TRAK1: variants seen among roughly 807,000 people sequenced by gnomAD.
TRAK1 encodes trafficking kinesin-binding protein 1.
Under a neutral mutation model 92.1 loss-of-function variants are expected in TRAK1, and 33 were observed. The ratio of observed to expected loss-of-function variants is 0.36; its 90% confidence interval spans 0.27 to 0.48. The LOEUF (loss-of-function observed/expected upper bound fraction) is 0.48, where lower values mean the gene tolerates loss of function less well. TRAK1 is among the 20% of genes least tolerant of loss of function. The pLI, the probability that TRAK1 is intolerant of heterozygous loss-of-function variation, is 0.99. For missense variants in TRAK1, 1,123 were observed against 1,257.9 expected (o/e 0.89, Z 1.62); for synonymous variants, 521 against 517.3 (o/e 1.01, Z -0.10).
chr3:42,083,516 GT>G (rs1704530251), upstream of TRAK1, among the ~76,000 whole-genome samples: 1 of 152,130 alleles, frequency 6.6e-6, no homozygotes, highest in Admixed American at 6.5e-5. Context: ...TCTGCCAATT[GT>G]TTTTGTGTAT....
chr3:42,056,742 C>T (rs1191748370), intron 1 of TRAK1, among the ~76,000 whole-genome samples: 2 of 152,036 alleles, frequency 1.3e-5, no homozygotes, highest in African/African-American at 2.4e-5. Flanking sequence ...CATATCTTAA[C>T]CTTTAAATGT....
intron 2 of TRAK1, among the ~76,000 whole-genome samples, chr3:42,171,793 C>T (rs756965087): frequency 2.6e-5 from 4 of 152,210 alleles, no homozygotes; most frequent in Non-Finnish European, 5.9e-5. Context: ...TTTCTGTTCT[C>T]TTCTGGGCCT....
chr3:42,168,984 C>T (rs1015918486), intron 2 of TRAK1, among the ~76,000 whole-genome samples: 8 of 152,048 alleles, frequency 5.3e-5, no homozygotes, highest in Admixed American at 3.3e-4. Context: ...CCACCATGCC[C>T]GGCTAATTTT....
At chr3:42,079,418 C>T (rs1364048589) in intron 1 of TRAK1, among the ~76,000 whole-genome samples, 1 of 151,374 alleles carries the variant, frequency 6.6e-6, no homozygotes, top group East Asian at 1.9e-4. Flanking sequence ...CAACCTGGTG[C>T]TCTGGTTCTC....
intron 1 of TRAK1, among the ~76,000 whole-genome samples, chr3:42,031,371 C>T (rs1251434548): frequency 6.6e-6 from 1 of 150,644 alleles, no homozygotes; most frequent in Non-Finnish European, 1.5e-5. Flanking sequence ...TCCAAAGATT[C>T]CTGACTGGAC....
chr3:42,150,811 G>A (rs1699870550), intron 2 of TRAK1, among the ~76,000 whole-genome samples: 1 of 152,178 alleles, frequency 6.6e-6, no homozygotes. Context: ...TGTCATGTTC[G>A]TTCTGTGTAC....
chr3:42,023,943 T>TG, intron 1 of TRAK1, among the ~76,000 whole-genome samples: 1 of 151,740 alleles, frequency 6.6e-6, no homozygotes. Flanking sequence ...TTAGTAGGGA[T>TG]GGGGTTTCGC....
Position 42,184,905 on chromosome 3 carries a change from G to T in TRAK1, c.480+104G>T, listed in dbSNP as rs1704562802. On this transcript the variant is annotated intron_variant, in intron 4 of 15. Transcript: ENST00000327628. ...AGAATGGAGTCCTAGTTGGAAGGACGCTCCCGAGGGCACGACCGCGGCCTG... is the reference window on the plus strand; with the variant it reads ...AGAATGGAGTCCTAGTTGGAAGGACTCTCCCGAGGGCACGACCGCGGCCTG... The T allele has an allele frequency of 2.7e-6, 3 of 1,131,078 alleles. No individual in the cohort carries two copies. In the African/African-American group the frequency reaches 4.7e-5, roughly 18 times the overall value. 70.1% of individuals were successfully genotyped at this position (1,131,078 alleles called of 1,614,324 possible). A position where few individuals can be genotyped will look rare whatever the true frequency, so the allele number is the denominator to read the frequency against.
intron 2 of TRAK1, among the ~76,000 whole-genome samples, chr3:42,134,562 C>T (rs1466283623): frequency 1.4e-5 from 2 of 145,880 alleles, no homozygotes; most frequent in African/African-American, 5.1e-5. Flanking sequence ...CAGGTGTTAG[C>T]CACCATGCCT....
At chr3:42,208,064 A>G (rs1708537460) in intron 13 of TRAK1, among the ~76,000 whole-genome samples, 1 of 152,208 alleles carries the variant, frequency 6.6e-6, no homozygotes, top group African/African-American at 2.4e-5. Context: ...TACGGGGCGC[A>G]AAATTGTCCC....
chr3:42,118,186 C>A (rs904017963), intron 1 of TRAK1, among the ~76,000 whole-genome samples: 11 of 151,896 alleles, frequency 7.2e-5, no homozygotes, highest in African/African-American at 2.4e-4. Context: ...CGGGTTCAAG[C>A]AGTTCTTCCT....
In TRAK1 at chr3:42,098,704, T is replaced by C. The variant is rs1343252047; in HGVS notation, c.91+7144T>C. ...TATCTGGTCCAGGCTCACTTCCTAC[T>C]CTGCTACCTTCTATCATGGTGTTGG... is the stretch of plus-strand genomic sequence containing the variant. On this transcript the variant is annotated intron_variant, in intron 1 of 15. Coordinates refer to ENST00000327628, the MANE Select transcript of TRAK1 (RefSeq NM_001042646.3). 2.6e-5 allele frequency among the ~76,000 whole-genome samples: 4 copies of C among 152,198 alleles called. No homozygotes were observed. The East Asian group carries it at 7.7e-4, about 29-fold the overall frequency.
intron 1 of TRAK1, among the ~76,000 whole-genome samples, chr3:42,023,119 C>T (rs1701782891): frequency 7.7e-6 from 1 of 130,582 alleles, no homozygotes; most frequent in South Asian, 2.5e-4. Context: ...GATTGCGCCA[C>T]TACACTCCAG....
At chr3:42,181,332 T>C (rs560314833) in intron 3 of TRAK1, among the ~76,000 whole-genome samples, 1 of 152,216 alleles carries the variant, frequency 6.6e-6, no homozygotes, top group East Asian at 1.9e-4. Flanking sequence ...TTACTTGAGG[T>C]CAGGAGTCCG....
chr3:42,215,519 TG>T (rs1709585774), intron 14 of TRAK1, among the ~76,000 whole-genome samples: 1 of 152,164 alleles, frequency 6.6e-6, no homozygotes, highest in African/African-American at 2.4e-5. Context: ...TGTGTGTGTG[TG>T]TGTGTACTGG....
chr3:42,030,438 C>T (rs955494866), intron 1 of TRAK1, among the ~76,000 whole-genome samples: 5 of 149,034 alleles, frequency 3.4e-5, no homozygotes, highest in Middle Eastern at 3.5e-3. Context: ...TTTGGGAGGC[C>T]GAGGTGGGTG....
intron 14 of TRAK1, among the ~76,000 whole-genome samples, chr3:42,217,053 CT>C (rs1276878126): frequency 2.0e-5 from 3 of 151,662 alleles, no homozygotes; most frequent in African/African-American, 7.3e-5. Flanking sequence ...CCCAACCCCC[CT>C]ATTTCCTGCC....
At chr3:42,050,938 C>T (rs1702954794) in intron 1 of TRAK1, among the ~76,000 whole-genome samples, 2 of 152,174 alleles carry the variant, frequency 1.3e-5, no homozygotes, top group African/African-American at 4.8e-5. Flanking sequence ...GAAATAAAGT[C>T]GGAGACCCTC....
intron 1 of TRAK1, among the ~76,000 whole-genome samples, chr3:42,079,159 T>C (rs1313002394): frequency 1.3e-5 from 2 of 152,246 alleles, no homozygotes; most frequent in South Asian, 2.1e-4. Context: ...TGGCTATTAT[T>C]TCAAGCCACT....
Sources: allele counts gnomAD v4.1 joint callset (sites outside exome capture counted in the v4.1 genomes callset), GRCh38; gene constraint gnomAD v4.1.1; transcripts MANE v1.5; gene names NCBI Gene and HGNC (gene_info 2026-07-23, HGNC 2026-07-21).